Variants in OR52E5 observed in about 807,000 individuals in gnomAD.
OR52E5 encodes the protein olfactory receptor family 52 subfamily E member 5, also known as olfactory receptor 52E5.
At chr11:5,896,307 G>C (rs1190648508) in intron 2 of OR52E5, among the ~76,000 whole-genome samples, 1 of 141,816 alleles carries the variant, frequency 7.1e-6, no homozygotes, top group Non-Finnish European at 1.5e-5. Flanking sequence ...TGTAGTCCCA[G>C]CTACTCAGGA....
chr11:5,895,238 T>C (rs1847157721), intron 1 of OR52E5, among the ~76,000 whole-genome samples: 1 of 151,604 alleles, frequency 6.6e-6, no homozygotes, highest in South Asian at 2.1e-4. Context: ...AAGCTAATAT[T>C]TTAGAAAATA....
chr11:5,894,431 A>T (rs1199895847), intron 1 of OR52E5, among the ~76,000 whole-genome samples: 1 of 152,148 alleles, frequency 6.6e-6, no homozygotes, highest in Non-Finnish European at 1.5e-5. Context: ...CCTTTGGAAA[A>T]ATAGGAAAAA....
chr11:5,896,246 T>TA lies in OR52E5; in HGVS notation c.-146+558dup, dbSNP rs56197568. Among the ~76,000 whole-genome samples, 95 of 53,538 alleles carry TA rather than the reference T, an allele frequency of 1.8e-3. 7 individuals carry two copies. The highest frequency in any genetic ancestry group is 3.7e-3 in the South Asian group (4 of 1,070). The allele number at this position is 53,538 out of a possible 152,430, so 35.1% of individuals were successfully genotyped here. A position where few individuals can be genotyped will look rare whatever the true frequency, so the allele number is the denominator to read the frequency against. On this transcript the variant is annotated intron_variant, in intron 2 of 2. Transcript: ENST00000610445. Reference sequence around the variant, plus strand: ...TAACATGGTGAAACCTCGTCTCTACTAAAAAAAAAAAAAAAAAAAAAAAAA... The same window carrying TA: ...TAACATGGTGAAACCTCGTCTCTACTAAAAAAAAAAAAAAAAAAAAAAAAAA...
rs542538836 is a variant in OR52E5 at position 5,900,863 on chromosome 11, T to C, written c.87T>C (p.Ile29=). The C allele has an allele frequency of 1.2e-4, 47 of 401,328 alleles. No homozygotes were observed. The highest frequency in any genetic ancestry group is 8.8e-4 in the African/African-American group (43 of 48,798). The allele number at this position is 401,328 out of a possible 1,614,324, so 24.9% of individuals were successfully genotyped here. A position where few individuals can be genotyped will look rare whatever the true frequency, so the allele number is the denominator to read the frequency against. ...VPGLEDVHVW[I]GFPFFAVYLT... ...GGCTGGAAGATGTGCATGTATGGAT[T>C]GGCTTCCCCTTCTTTGCAGTGTATC... Residue 29 remains isoleucine (I), a synonymous_variant, in exon 3 of 3, where the codon ATT becomes ATC. Coordinates refer to ENST00000610445, the MANE Select transcript of OR52E5 (RefSeq NM_001005166.5).
rs886438918 is a variant in OR52E5 at position 5,901,932 on chromosome 11, T to C, written c.*172T>C. On this transcript the variant is annotated 3_prime_UTR_variant, in exon 3 of 3. Transcript: ENST00000610445. Reference sequence around the variant, plus strand: ...ATCTCTCTGTTTCACCCATTAAAAGTGCAAAAAGTACTCACACTTAAGCCC... The same window carrying C: ...ATCTCTCTGTTTCACCCATTAAAAGCGCAAAAAGTACTCACACTTAAGCCC... 5.1e-6 allele frequency: 2 copies of C among 394,284 alleles called. No homozygotes were observed. The highest frequency in any genetic ancestry group is 4.1e-5 in the African/African-American group (2 of 48,508). The allele number at this position is 394,284 out of a possible 1,614,324, so 24.4% of individuals were successfully genotyped here.
At position 5,900,926 on chromosome 11, in the gene OR52E5, G is replaced by T; in HGVS notation, c.150G>T (p.Val50=). The change falls in exon 3 of 3, where the codon GTG becomes GTT. Residue 50 remains valine (V), a synonymous_variant. Coordinates refer to ENST00000610445, the MANE Select transcript of OR52E5 (RefSeq NM_001005166.5). ...TAGGGAACATCATTATCCTGTTTGT[G>T]ATACAGACTGAACAGAGCCTCCACC... The part of the protein sequence containing the change: ...ALLGNIIILF[V]IQTEQSLHQP... 2.5e-6 allele frequency: 1 copy of T among 401,374 alleles called. No homozygotes were observed. 24.9% of individuals were successfully genotyped at this position (401,374 alleles called of 1,614,324 possible).
In OR52E5 at chr11:5,896,667, T is replaced by C. The variant is rs554615018; in HGVS notation, c.-146+954T>C. 9.1e-4 allele frequency among the ~76,000 whole-genome samples: 139 copies of C among 152,272 alleles called. 1 individual carries two copies. The highest frequency in any genetic ancestry group is 1.5e-3 in the Non-Finnish European group (105 of 68,028). On this transcript the variant is annotated intron_variant, in intron 2 of 2. Transcript: ENST00000610445. ...TGATTACAGTTATTTAAAATCCATG[T>C]GGAAAGTAATCACACCACATGTCTA...
At chr11:5,894,971 C>T (rs559253363) in intron 1 of OR52E5, among the ~76,000 whole-genome samples, 1 of 152,040 alleles carries the variant, frequency 6.6e-6, no homozygotes, top group East Asian at 1.9e-4. Context: ...AGTTTGTGTT[C>T]TCAGAAAATA....
Position 5,901,773 on chromosome 11 carries a change from A to G in OR52E5, c.*13A>G, listed in dbSNP as rs1819358788. 2.5e-6 allele frequency: 1 copy of G among 400,208 alleles called. No homozygotes were observed. The highest frequency in any genetic ancestry group is 1.3e-4 in the South Asian group (1 of 7,910). The allele number at this position is 400,208 out of a possible 1,614,324, so 24.8% of individuals were successfully genotyped here. On this transcript the variant is annotated 3_prime_UTR_variant, in exon 3 of 3. Transcript: ENST00000610445. ...AGTTAGACAATAATGAGATCATAAC[A>G]AAATAAACACTGGAAACATTTTTTT...
chr11:5,899,577 A>G (rs116458530), intron 2 of OR52E5, among the ~76,000 whole-genome samples: 1,528 of 152,310 alleles, frequency 0.01, 30 homozygotes, highest in African/African-American at 0.034. Context: ...ATGAGCATCA[A>G]AGTAATTTGA....
chr11:5,896,713 A>G (rs1296460739), intron 2 of OR52E5, among the ~76,000 whole-genome samples: 3 of 152,204 alleles, frequency 2.0e-5, no homozygotes, highest in African/African-American at 7.2e-5. Flanking sequence ...TTTTCAGGAC[A>G]GTCCCTGCAT....
intron 2 of OR52E5, among the ~76,000 whole-genome samples, chr11:5,900,036 G>A (rs1430646153): frequency 2.6e-5 from 4 of 152,022 alleles, no homozygotes; most frequent in African/African-American, 9.7e-5. Flanking sequence ...TATATAATGC[G>A]AAATGGAGAA....
At chr11:5,897,774 A>G (rs1005024137) in intron 2 of OR52E5, among the ~76,000 whole-genome samples, 1 of 152,138 alleles carries the variant, frequency 6.6e-6, no homozygotes, top group Admixed American at 6.5e-5. Context: ...CATCCTTACC[A>G]ACATCTGTTA....
chr11:5,901,669 T>A lies in OR52E5; in HGVS notation c.893T>A (p.Ile298Lys), dbSNP rs1388184403. The change falls in exon 3 of 3, where the codon ATA (isoleucine) becomes AAA (lysine). Residue 298 changes from isoleucine to lysine, a missense_variant. By Grantham distance (102) the Ile-to-Lys change is moderately radical. Coordinates refer to ENST00000610445, the MANE Select transcript of OR52E5 (RefSeq NM_001005166.5). ...ATCTATGGGGTCAAAACAAAACAGA[T>A]ACGAGAGCAGGTACTTAGGATACTC... ...SVIYGVKTKQ[I>K]REQVLRILNP... 3 of 401,122 alleles carry A rather than the reference T, an allele frequency of 7.5e-6. No homozygotes were observed. Among genetic ancestry groups the A allele is most frequent in the Non-Finnish European group, 1.3e-5 (3 of 226,240 alleles). The allele number at this position is 401,122 out of a possible 1,614,324, so 24.8% of individuals were successfully genotyped here.
chr11:5,899,870 T>C (rs1278493930), intron 2 of OR52E5, among the ~76,000 whole-genome samples: 2 of 152,112 alleles, frequency 1.3e-5, no homozygotes, highest in African/African-American at 4.8e-5. Context: ...CTTAAACATA[T>C]CACTGTCCAT....
chr11:5,899,298 A>C (rs1643912018), intron 2 of OR52E5, among the ~76,000 whole-genome samples: 1 of 152,168 alleles, frequency 6.6e-6, no homozygotes, highest in Admixed American at 6.5e-5. Flanking sequence ...ACTTTCCTAT[A>C]ATCAGATCCC....
intron 2 of OR52E5, among the ~76,000 whole-genome samples, chr11:5,896,141 T>A (rs1847170600): frequency 6.9e-6 from 1 of 144,996 alleles, no homozygotes; most frequent in African/African-American, 2.6e-5. Context: ...GAACAGGGTA[T>A]AATAATCAGA....
chr11:5,896,754 C>A (rs1360277097), intron 2 of OR52E5, among the ~76,000 whole-genome samples: 1 of 152,130 alleles, frequency 6.6e-6, no homozygotes, highest in Admixed American at 6.6e-5. Context: ...AATTTTATTA[C>A]CCCCAGCTTA....
At chr11:5,895,761 T>C (rs367656265) in intron 2 of OR52E5, 48 bp downstream of exon 2, 5 of 152,226 alleles carry the variant, frequency 3.3e-5, no homozygotes, top group African/African-American at 1.2e-4. Flanking sequence ...AGTCTATGTA[T>C]ATCAGTGAAA....
Sources: allele counts gnomAD v4.1 joint callset (sites outside exome capture counted in the v4.1 genomes callset), GRCh38; gene constraint gnomAD v4.1.1; transcripts MANE v1.5; gene names NCBI Gene and HGNC (gene_info 2026-07-23, HGNC 2026-07-21).